EXOC4: variants seen among roughly 807,000 people sequenced by gnomAD.
EXOC4 encodes SEC8-like 1.
A neutral mutation model predicts 107.2 loss-of-function variants in EXOC4; 71 were observed. That is an observed-to-expected ratio of 0.66 (90% CI 0.55 to 0.81). The LOEUF is 0.81. Ranked by LOEUF, EXOC4 falls within the 30% of genes least tolerant of loss-of-function variation. The pLI is 0.00. For missense variants in EXOC4, 1,108 were observed against 1,189.6 expected, an observed-to-expected ratio of 0.93 and a Z score of 1.01; for synonymous variants, 456 against 441.2, an observed-to-expected ratio of 1.03 and a Z score of -0.42.
At chr7:133,283,024 T>G (rs933917693) in intron 2 of EXOC4, among the ~76,000 whole-genome samples, 2 of 152,228 alleles carry the variant, frequency 1.3e-5, no homozygotes, top group African/African-American at 4.8e-5. Context: ...AGGGAGATAA[T>G]GCCAATATTC....
At chr7:133,938,136 G>C (rs781588994) in intron 14 of EXOC4, 67 bp downstream of exon 14, 124 of 1,522,908 alleles carry the variant, frequency 8.1e-5, no homozygotes, top group Non-Finnish European at 1.1e-4. Context: ...TTCATTGAAA[G>C]ATGAGAGTGT....
At chr7:133,570,460 C>T (rs1453392293) in intron 9 of EXOC4, among the ~76,000 whole-genome samples, 3 of 152,292 alleles carry the variant, frequency 2.0e-5, no homozygotes, top group Admixed American at 2.0e-4. Flanking sequence ...CTTTCACCAT[C>T]GTGGTTTTCA....
rs1177767668 is a variant in EXOC4 at position 133,336,690 on chromosome 7, A to ATTTAT, written c.763+19333_763+19337dup. ...TTCTGTTTTGTTTCATTTTTATTTT[A>ATTTAT]TTTATTTTATTTTATTTTATTTTAT... is the stretch of plus-strand genomic sequence containing the variant. On this transcript the variant is annotated intron_variant, in intron 5 of 17. Transcript: ENST00000253861. 4.5e-3 allele frequency among the ~76,000 whole-genome samples: 616 copies of ATTTAT among 138,046 alleles called. 4 individuals are homozygous for ATTTAT. The highest frequency in any genetic ancestry group is 0.016 in the African/African-American group (600 of 37,040). 90.6% of individuals were successfully genotyped at this position (138,046 alleles called of 152,430 possible).
intron 7 of EXOC4, among the ~76,000 whole-genome samples, chr7:133,397,169 C>A (rs1427356238): frequency 1.3e-5 from 2 of 149,088 alleles, no homozygotes; most frequent in Non-Finnish European, 3.0e-5. Flanking sequence ...GCTCTTGTTG[C>A]CCAGGCTGGA....
intron 12 of EXOC4, among the ~76,000 whole-genome samples, chr7:133,897,246 C>T (rs535964120): frequency 1.8e-4 from 20 of 109,766 alleles, no homozygotes; most frequent in Non-Finnish European, 3.3e-4. Context: ...TCCACAGTTA[C>T]ATGGACAAAT....
chr7:133,824,792 C>A (rs549560766), intron 11 of EXOC4, among the ~76,000 whole-genome samples: 3 of 152,076 alleles, frequency 2.0e-5, no homozygotes, highest in Admixed American at 2.0e-4. Flanking sequence ...GTGGCGTTCT[C>A]CCGTGTGTCT....
intron 9 of EXOC4, among the ~76,000 whole-genome samples, chr7:133,518,444 A>G (rs745841572): frequency 2.1e-5 from 3 of 145,694 alleles, no homozygotes; most frequent in Non-Finnish European, 4.5e-5. Context: ...TCTTTCTCCT[A>G]AGGTAGCTTT....
chr7:133,636,699 G>A (rs1802720742), intron 10 of EXOC4, among the ~76,000 whole-genome samples: 1 of 152,136 alleles, frequency 6.6e-6, no homozygotes, highest in Non-Finnish European at 1.5e-5. Flanking sequence ...GAATATCTGG[G>A]CTATGAGCAT....
intron 10 of EXOC4, among the ~76,000 whole-genome samples, chr7:133,766,524 T>G (rs1796141872): frequency 6.6e-6 from 1 of 151,910 alleles, no homozygotes; most frequent in Non-Finnish European, 1.5e-5. Context: ...TTTAACAGAG[T>G]TGTTTTAATA....
intron 13 of EXOC4, among the ~76,000 whole-genome samples, chr7:133,924,807 TTA>T (rs2116669098): frequency 6.6e-6 from 1 of 152,320 alleles, no homozygotes; most frequent in South Asian, 2.1e-4. Context: ...AGCATCCAAT[TTA>T]TTTTGTTCAA....
intron 7 of EXOC4, among the ~76,000 whole-genome samples, chr7:133,463,234 A>G (rs1798636812): frequency 6.6e-6 from 1 of 152,148 alleles, no homozygotes; most frequent in South Asian, 2.1e-4. Context: ...GCCACAACTA[A>G]CTACACATTT....
chr7:133,871,637 C>T (rs1299511799), intron 11 of EXOC4, among the ~76,000 whole-genome samples: 1 of 152,102 alleles, frequency 6.6e-6, no homozygotes. Context: ...CTCTTTCTCC[C>T]TCTGTTTCCA....
At chr7:133,865,274 T>C (rs986038683) in intron 11 of EXOC4, among the ~76,000 whole-genome samples, 1 of 152,164 alleles carries the variant, frequency 6.6e-6, no homozygotes, top group African/African-American at 2.4e-5. Context: ...TGGCAGTGCA[T>C]TGAAACAAAC....
chr7:133,343,924 C>G (rs1396940999), intron 5 of EXOC4, among the ~76,000 whole-genome samples: 1 of 151,954 alleles, frequency 6.6e-6, no homozygotes, highest in African/African-American at 2.4e-5. Context: ...AGGGATCCTG[C>G]TGCCTCAGCC....
chr7:133,593,703 A>G (rs892698083), intron 9 of EXOC4, among the ~76,000 whole-genome samples: 4 of 152,198 alleles, frequency 2.6e-5, no homozygotes, highest in Non-Finnish European at 4.4e-5. Flanking sequence ...TCCACTTGTC[A>G]CAACTCCTGC....
At chr7:133,639,056 T>G (rs1274291045) in intron 10 of EXOC4, among the ~76,000 whole-genome samples, 1 of 152,240 alleles carries the variant, frequency 6.6e-6, no homozygotes, top group Admixed American at 6.5e-5. Context: ...GAAATATGTT[T>G]ATGTCCAGCC....
At chr7:133,821,382 A>T (rs1425042394) in intron 11 of EXOC4, among the ~76,000 whole-genome samples, 2 of 152,226 alleles carry the variant, frequency 1.3e-5, no homozygotes, top group East Asian at 1.9e-4. Context: ...GCTCCCAGCC[A>T]GTTCTACCCA....
intron 9 of EXOC4, among the ~76,000 whole-genome samples, chr7:133,553,251 T>A (rs893717254): frequency 6.6e-6 from 1 of 152,216 alleles, no homozygotes; most frequent in Non-Finnish European, 1.5e-5. Context: ...ATTTACGTCT[T>A]ATTTTATTCT....
intron 7 of EXOC4, among the ~76,000 whole-genome samples, chr7:133,431,365 A>G (rs1166960828): frequency 6.6e-6 from 1 of 152,238 alleles, no homozygotes; most frequent in Non-Finnish European, 1.5e-5. Flanking sequence ...CATTTTACCC[A>G]GGGAAGATAA....
Sources: allele counts gnomAD v4.1 joint callset (sites outside exome capture counted in the v4.1 genomes callset), GRCh38; gene constraint gnomAD v4.1.1; transcripts MANE v1.5; gene names NCBI Gene and HGNC (gene_info 2026-07-23, HGNC 2026-07-21).